Variants in KCNJ3 observed in about 807,000 individuals in gnomAD.
KCNJ3 encodes G protein-activated inward rectifier potassium channel 1.
Under a neutral mutation model 39.2 loss-of-function variants are expected in KCNJ3, and 4 were observed. The ratio of observed to expected loss-of-function variants is 0.10; its 90% CI spans 0.05 to 0.23. KCNJ3 has a LOEUF of 0.23. Among genes scored for constraint, KCNJ3 ranks in the 10% least tolerant of loss-of-function variants. The pLI, the probability that KCNJ3 is intolerant of heterozygous loss-of-function variation, is 1.00. For synonymous variants in KCNJ3, 230 were observed against 237.4 expected, an observed-to-expected ratio of 0.97 and a Z score of 0.29; for missense variants, 276 against 634.9, an observed-to-expected ratio of 0.43 and a Z score of 6.08.
chr2:154,722,027 A>G (rs568646496), intron 2 of KCNJ3, among the ~76,000 whole-genome samples: 1 of 152,330 alleles, frequency 6.6e-6, no homozygotes, highest in African/African-American at 2.4e-5. Flanking sequence ...TCTAGGGTCT[A>G]AGTTTCAGAT....
intron 2 of KCNJ3, among the ~76,000 whole-genome samples, chr2:154,786,270 T>G (rs962004207): frequency 1.2e-4 from 18 of 152,190 alleles, no homozygotes; most frequent in African/African-American, 4.3e-4. Context: ...TAACGAAAAT[T>G]TTATTCCATT....
chr2:154,734,030 A>G (rs531949080), intron 2 of KCNJ3, among the ~76,000 whole-genome samples: 13 of 152,326 alleles, frequency 8.5e-5, no homozygotes, highest in Admixed American at 3.9e-4. Flanking sequence ...AACTTTCACA[A>G]TGTGAACTTA....
At chr2:154,810,856 T>C (rs999467252) in intron 2 of KCNJ3, among the ~76,000 whole-genome samples, 13 of 152,154 alleles carry the variant, frequency 8.5e-5, no homozygotes, top group Admixed American at 2.0e-4. Flanking sequence ...CATATAACTT[T>C]CTTTCCTGGC....
intron 2 of KCNJ3, among the ~76,000 whole-genome samples, chr2:154,815,877 A>G (rs1459204021): frequency 1.3e-5 from 2 of 151,978 alleles, no homozygotes; most frequent in Admixed American, 6.6e-5. Context: ...ACATATTTCC[A>G]TGGTTTTCCT....
intron 2 of KCNJ3, among the ~76,000 whole-genome samples, chr2:154,852,101 A>AACTT (rs1261591921): frequency 6.6e-6 from 1 of 152,224 alleles, no homozygotes; most frequent in East Asian, 1.9e-4. Flanking sequence ...TCAAAGGACA[A>AACTT]ACTTACAAAC....
intron 2 of KCNJ3, among the ~76,000 whole-genome samples, chr2:154,826,813 C>T (rs1288794585): frequency 1.3e-5 from 2 of 152,040 alleles, no homozygotes; most frequent in South Asian, 2.1e-4. Context: ...TGTTTGTGCA[C>T]GTGTGTGGAT....
intron 2 of KCNJ3, among the ~76,000 whole-genome samples, chr2:154,794,610 C>T (rs1296282718): frequency 6.6e-6 from 1 of 151,962 alleles, no homozygotes; most frequent in Non-Finnish European, 1.5e-5. Context: ...CTTTTCATTT[C>T]CCCAGCAAAG....
intron 2 of KCNJ3, among the ~76,000 whole-genome samples, chr2:154,816,991 C>T (rs1167428959): frequency 2.0e-5 from 3 of 152,074 alleles, no homozygotes; most frequent in Non-Finnish European, 2.9e-5. Flanking sequence ...TTTTCTTCTT[C>T]TGGCAAGTCA....
intron 2 of KCNJ3, among the ~76,000 whole-genome samples, chr2:154,776,516 T>A (rs141986447): frequency 2.0e-5 from 3 of 152,310 alleles, no homozygotes; most frequent in African/African-American, 7.2e-5. Flanking sequence ...TTTCAACTAT[T>A]TCATGGTAAT....
In KCNJ3 at chr2:154,699,611, T is replaced by C; in HGVS notation, c.702+134T>C. Reference sequence around the variant, plus strand: ...CACAGGTAAACTTCCTTTTGGGGGGTTGGGGGTTGGAGGACTGGGCAAAGA... The same window carrying C: ...CACAGGTAAACTTCCTTTTGGGGGGCTGGGGGTTGGAGGACTGGGCAAAGA... On this transcript the variant is annotated intron_variant, in intron 1 of 2. Coordinates refer to ENST00000295101, the MANE Select transcript of KCNJ3 (RefSeq NM_002239.4). This position sits in a 1 kb window ranked among gnomAD's most constrained non-coding sequence, Gnocchi z 6.4. 7.3e-7 allele frequency: 1 copy of C among 1,363,274 alleles called. No individual in the cohort carries two copies. Among genetic ancestry groups the C allele is most frequent in the Non-Finnish European group, 9.7e-7 (1 of 1,030,470 alleles). 84.4% of individuals were successfully genotyped at this position (1,363,274 alleles called of 1,614,324 possible). A position where few individuals can be genotyped will look rare whatever the true frequency, so the allele number is the denominator to read the frequency against.
At position 154,759,061 on chromosome 2, in the gene KCNJ3, G is replaced by A. The variant is rs116448788; in HGVS notation, c.919+49242G>A. Among the ~76,000 whole-genome samples the A allele has an allele frequency of 3.7e-3, 568 of 152,244 alleles. 2 individuals are homozygous for A. Among genetic ancestry groups the A allele is most frequent in the African/African-American group, 0.013 (531 of 41,550 alleles). On this transcript the variant is annotated intron_variant, in intron 2 of 2. Coordinates refer to ENST00000295101, the MANE Select transcript of KCNJ3 (RefSeq NM_002239.4). ...ATAAAATGGTTGGTGGAAATTCTCT[G>A]TTTATGCTGACTCAGGAACAGATGG...
chr2:154,705,904 T>G (rs1335296950), intron 1 of KCNJ3, among the ~76,000 whole-genome samples: 2 of 152,110 alleles, frequency 1.3e-5, no homozygotes, highest in African/African-American at 4.8e-5. Flanking sequence ...CTTCCCAAGA[T>G]TCTATAAAAT....
chr2:154,699,253 A>G lies in KCNJ3; in HGVS notation c.478A>G (p.Ile160Val). 1 of 1,614,040 alleles carries G rather than the reference A, an allele frequency of 6.2e-7. No homozygotes were observed. The change falls in exon 1 of 3, where the codon ATC (isoleucine) becomes GTC (valine). Residue 160 changes from isoleucine to valine, a missense_variant. Physicochemically the swap from Ile to Val is conservative, Grantham distance 29 (BLOSUM62 3). Transcript: ENST00000295101. The surrounding 1 kb of genome is among the most constrained non-coding windows in gnomAD (Gnocchi z 6.4). ...CACAGACAAGTGCCCCGAGGGCATC[A>G]TCCTCTTCCTCTTCCAGTCCATCCT... ...YITDKCPEGI[I>V]LFLFQSILGS...
In KCNJ3 at chr2:154,835,346, TTTG is replaced by T. The variant is rs1344343453; in HGVS notation, c.920-19378_920-19376del. Among the ~76,000 whole-genome samples the T allele has an allele frequency of 4.4e-4, 67 of 151,302 alleles. 1 individual carries two copies. Among genetic ancestry groups the T allele is most frequent in the East Asian group, 7.8e-4 (4 of 5,150 alleles). On this transcript the variant is annotated intron_variant, in intron 2 of 2. Transcript: ENST00000295101. ...TACGACAATAAATTATTTTCTTTTT[TTTG>T]TTTACTATTCAAAAAGTAATATATT...
intron 2 of KCNJ3, among the ~76,000 whole-genome samples, chr2:154,827,471 A>G (rs1687289072): frequency 6.6e-6 from 1 of 152,128 alleles, no homozygotes; most frequent in Non-Finnish European, 1.5e-5. Flanking sequence ...AATCAGTTTA[A>G]CAGATGTTCT....
At chr2:154,746,609 G>T (rs1027577986) in intron 2 of KCNJ3, among the ~76,000 whole-genome samples, 1 of 143,388 alleles carries the variant, frequency 7.0e-6, no homozygotes, top group Non-Finnish European at 1.5e-5. Context: ...CGTATACACA[G>T]ATATATATAT....
intron 2 of KCNJ3, among the ~76,000 whole-genome samples, chr2:154,727,967 C>A (rs1053930466): frequency 3.3e-5 from 5 of 150,258 alleles, no homozygotes; most frequent in African/African-American, 1.2e-4. Context: ...AATATATTAT[C>A]CTGGAATTTG....
At chr2:154,783,632 T>C (rs981218356) in intron 2 of KCNJ3, among the ~76,000 whole-genome samples, 48 of 152,186 alleles carry the variant, frequency 3.2e-4, no homozygotes, top group African/African-American at 1.1e-3. Flanking sequence ...ATTACAAGCA[T>C]TCCCATTTTA....
At chr2:154,713,417 C>T (rs906995793) in intron 2 of KCNJ3, among the ~76,000 whole-genome samples, 1 of 152,054 alleles carries the variant, frequency 6.6e-6, no homozygotes, top group Non-Finnish European at 1.5e-5. Flanking sequence ...AGCAGTGTGC[C>T]GGTGGTAAGA....
Sources: gnomAD v4.1 joint callset for allele counts (sites outside exome capture counted in the v4.1 genomes callset) on GRCh38, gnomAD v4.1.1 for gene constraint, Gnocchi (gnomAD v3.1) non-coding constraint, MANE v1.5 for transcripts, NCBI Gene and HGNC (gene_info 2026-07-23, HGNC 2026-07-21) for gene names.